CTNND2: variants seen among roughly 807,000 people sequenced by gnomAD.
CTNND2 encodes catenin delta-2.
CTNND2 carries 22 observed loss-of-function variants against 144.4 expected under a neutral mutation model. The observed-to-expected ratio is 0.15, with a 90% CI of 0.11 to 0.22. CTNND2 has a LOEUF of 0.22. Among genes scored for constraint, CTNND2 ranks in the 10% least tolerant of loss-of-function variants. CTNND2 has a pLI of 1.00. For missense variants in CTNND2, 1,353 were observed against 1,618.8 expected (o/e 0.84, Z 2.82); for synonymous variants, 751 against 695.6 (o/e 1.08, Z -1.25).
intron 1 of CTNND2, among the ~76,000 whole-genome samples, chr5:11,768,884 G>C (rs865898739): frequency 6.6e-6 from 1 of 152,134 alleles, no homozygotes; most frequent in Non-Finnish European, 1.5e-5. Flanking sequence ...AAATATTGCT[G>C]GGAGTTGTCT....
intron 3 of CTNND2, among the ~76,000 whole-genome samples, chr5:11,536,123 T>C (rs906188430): frequency 6.6e-6 from 1 of 152,172 alleles, no homozygotes; most frequent in Non-Finnish European, 1.5e-5. Flanking sequence ...AAGTGCAGTG[T>C]CACTATCATA....
At chr5:11,756,025 A>G (rs1788915149) in intron 1 of CTNND2, among the ~76,000 whole-genome samples, 1 of 151,612 alleles carries the variant, frequency 6.6e-6, no homozygotes. Context: ...TGGCTTTCTG[A>G]GTTATCCGAG....
chr5:11,630,814 C>A (rs956181557), intron 2 of CTNND2, among the ~76,000 whole-genome samples: 1 of 151,832 alleles, frequency 6.6e-6, no homozygotes, highest in African/African-American at 2.4e-5. Flanking sequence ...ATTAGCCAGG[C>A]GTGGTGGTGG....
At chr5:11,633,291 C>A (rs1781504461) in intron 2 of CTNND2, among the ~76,000 whole-genome samples, 2 of 152,194 alleles carry the variant, frequency 1.3e-5, no homozygotes, top group South Asian at 4.2e-4. Flanking sequence ...ACAAAATTAA[C>A]AATTGACTTC....
chr5:11,247,447 T>C (rs1458854857), intron 9 of CTNND2, among the ~76,000 whole-genome samples: 1 of 152,192 alleles, frequency 6.6e-6, no homozygotes, highest in East Asian at 1.9e-4. Flanking sequence ...GGCCACCTTG[T>C]GGGGACTGTG....
intron 1 of CTNND2, among the ~76,000 whole-genome samples, chr5:11,863,896 ACTGAAATCAG>A (rs1179948422): frequency 1.3e-5 from 2 of 152,224 alleles, no homozygotes; most frequent in Non-Finnish European, 2.9e-5. Context: ...ATAATAGATA[ACTGAAATCAG>A]CAGAAGTACA....
chr5:11,447,299 G>A (rs997656883), intron 3 of CTNND2, among the ~76,000 whole-genome samples: 5 of 150,840 alleles, frequency 3.3e-5, no homozygotes, highest in Non-Finnish European at 7.4e-5. Context: ...CTGAGATCCT[G>A]TCACTGCACT....
intron 11 of CTNND2, among the ~76,000 whole-genome samples, chr5:11,181,947 G>C (rs1483676412): frequency 9.8e-5 from 14 of 142,900 alleles, no homozygotes; most frequent in Non-Finnish European, 1.8e-4. Flanking sequence ...TGTGTGTGGG[G>C]GGGTGCGTGG....
intron 18 of CTNND2, among the ~76,000 whole-genome samples, chr5:10,995,369 C>A (rs1167563862): frequency 6.6e-6 from 1 of 152,020 alleles, no homozygotes; most frequent in Non-Finnish European, 1.5e-5. Flanking sequence ...AGGAGCAATG[C>A]GTGAGGAGGA....
intron 2 of CTNND2, among the ~76,000 whole-genome samples, chr5:11,580,243 G>T (rs1778317960): frequency 6.6e-6 from 1 of 152,096 alleles, no homozygotes; most frequent in South Asian, 2.1e-4. Flanking sequence ...TACAGATGGG[G>T]AAATAGAGAG....
chr5:11,665,871 T>C (rs1783541963), intron 2 of CTNND2, among the ~76,000 whole-genome samples: 1 of 152,156 alleles, frequency 6.6e-6, no homozygotes, highest in Non-Finnish European at 1.5e-5. Context: ...AAATATAGTG[T>C]TATGCTTAAG....
At chr5:11,540,324 G>A (rs545765725) in intron 3 of CTNND2, among the ~76,000 whole-genome samples, 25 of 152,218 alleles carry the variant, frequency 1.6e-4, no homozygotes, top group African/African-American at 5.5e-4. Flanking sequence ...CTGTTAAGCT[G>A]TGAAGCATGT....
In CTNND2 at chr5:11,412,004, T is replaced by C. The variant is rs1313957872; in HGVS notation, c.322+31A>G. ...TCATCAGTAGAGATATGTTTAGAAG[T>C]GTAAGTGTTCATCAATAAGATAGAC... On this transcript the variant is annotated intron_variant, in intron 4 of 21. Transcript: ENST00000304623. 4 of 1,568,664 alleles carry C rather than the reference T, an allele frequency of 2.5e-6. No homozygotes were observed. The African/African-American group carries it at 5.4e-5, about 21-fold the overall frequency.
At chr5:11,242,042 G>A (rs1169154938) in intron 9 of CTNND2, among the ~76,000 whole-genome samples, 2 of 152,112 alleles carry the variant, frequency 1.3e-5, no homozygotes, top group African/African-American at 2.4e-5. Flanking sequence ...GGGAGTTGGA[G>A]CAGGGGCTGG....
chr5:11,117,301 A>G (rs1753650227), intron 13 of CTNND2, 149 bp downstream of exon 13: 3 of 659,036 alleles, frequency 4.6e-6, no homozygotes, highest in East Asian at 5.0e-5. Flanking sequence ...GCCCAGTCTA[A>G]AAGTGTTGGA....
chr5:11,374,323 G>T (rs1257087682), intron 7 of CTNND2, among the ~76,000 whole-genome samples: 1 of 152,170 alleles, frequency 6.6e-6, no homozygotes, highest in African/African-American at 2.4e-5. Context: ...TGTAACAAAA[G>T]TCTTTTGACA....
chr5:11,044,671 A>G (rs573180202), intron 16 of CTNND2, among the ~76,000 whole-genome samples: 2 of 152,296 alleles, frequency 1.3e-5, no homozygotes, highest in African/African-American at 2.4e-5. Context: ...TTTTCCTTCC[A>G]GTGTCACATT....
chr5:11,504,329 T>A (rs1034728486), intron 3 of CTNND2, among the ~76,000 whole-genome samples: 1 of 152,232 alleles, frequency 6.6e-6, no homozygotes, highest in Non-Finnish European at 1.5e-5. Context: ...AAATCATTAT[T>A]AATCATAAAA....
At chr5:11,890,753 T>C (rs1736892590) in intron 1 of CTNND2, among the ~76,000 whole-genome samples, 1 of 152,192 alleles carries the variant, frequency 6.6e-6, no homozygotes, top group African/African-American at 2.4e-5. Flanking sequence ...CTATCACTCA[T>C]ATGTTATGAA....
Sources: allele counts gnomAD v4.1 joint callset (sites outside exome capture counted in the v4.1 genomes callset), GRCh38; gene constraint gnomAD v4.1.1; transcripts MANE v1.5; gene names NCBI Gene and HGNC (gene_info 2026-07-23, HGNC 2026-07-21).